Variants in PCSK5 observed in about 807,000 individuals in gnomAD.
The protein encoded by PCSK5 is prohormone convertase 5.
Under a neutral mutation model 233.2 loss-of-function variants are expected in PCSK5, and 129 were observed. The observed-to-expected ratio is 0.55, with a 90% CI of 0.48 to 0.64. PCSK5 has a LOEUF of 0.64. Among genes scored for constraint, PCSK5 ranks in the 30% least tolerant of loss-of-function variants. PCSK5 has a pLI of 0.00. For synonymous variants in PCSK5, 825 were observed against 879.2 expected (o/e 0.94, Z 1.09); for missense variants, 2,076 against 2,430.1 (o/e 0.85, Z 3.06).
At chr9:76,007,881 A>G (rs927925362) in intron 3 of PCSK5, among the ~76,000 whole-genome samples, 2 of 150,064 alleles carry the variant, frequency 1.3e-5, no homozygotes, top group African/African-American at 4.9e-5. Flanking sequence ...TGGTTTAGCC[A>G]TGTTGCCCAG....
intron 24 of PCSK5, 118 bp downstream of exon 24, chr9:76,240,802 C>A: frequency 1.4e-6 from 1 of 696,900 alleles, no homozygotes; most frequent in Admixed American, 2.2e-5. Context: ...CTCAGTGACA[C>A]CATCAACGTC....
intron 15 of PCSK5, among the ~76,000 whole-genome samples, chr9:76,180,003 C>T (rs200056978): frequency 7.6e-4 from 103 of 135,926 alleles, no homozygotes; most frequent in African/African-American, 1.9e-3. Flanking sequence ...CCAGACCTTT[C>T]TTTTTTTTTT....
chr9:76,181,321 G>T lies in PCSK5; in HGVS notation c.2004-77G>T, dbSNP rs1018134059. The T allele has an allele frequency of 7.2e-6, 9 of 1,248,114 alleles. No homozygotes were observed. The African/African-American group carries it at 1.2e-4, about 17-fold the overall frequency. 77.3% of individuals were successfully genotyped at this position (1,248,114 alleles called of 1,614,324 possible). A position where few individuals can be genotyped will look rare whatever the true frequency, so the allele number is the denominator to read the frequency against. ...ATTTGGAAGCTGAGCTCAGCCATTT[G>T]CTCAGCACCTCCAAGAGAATGCTGG... On this transcript the variant is annotated intron_variant, in intron 15 of 37. Coordinates refer to ENST00000674117, the MANE Select transcript of PCSK5 (RefSeq NM_001372043.1).
intron 2 of PCSK5, among the ~76,000 whole-genome samples, chr9:75,961,660 ATC>A (rs1825360294): frequency 1.3e-5 from 2 of 152,236 alleles, no homozygotes; most frequent in Non-Finnish European, 2.9e-5. Context: ...CAGATCAAAT[ATC>A]TCTGGTGAAA....
At chr9:76,093,827 G>T (rs921323019) in intron 7 of PCSK5, among the ~76,000 whole-genome samples, 1 of 152,104 alleles carries the variant, frequency 6.6e-6, no homozygotes, top group East Asian at 1.9e-4. Context: ...CCTCTGGTAT[G>T]TTGTTGTCTC....
At chr9:76,115,038 T>C (rs926589380) in intron 9 of PCSK5, among the ~76,000 whole-genome samples, 1 of 152,082 alleles carries the variant, frequency 6.6e-6, no homozygotes, top group Admixed American at 6.6e-5. Flanking sequence ...GAATTACATA[T>C]GTGCCTTTGG....
intron 24 of PCSK5, among the ~76,000 whole-genome samples, chr9:76,258,441 G>T (rs1827053511): frequency 6.6e-6 from 1 of 152,194 alleles, no homozygotes; most frequent in Non-Finnish European, 1.5e-5. Context: ...GGAAAGCCTA[G>T]TGCAATCATG....
chr9:75,988,844 G>A (rs1237130834), intron 3 of PCSK5, among the ~76,000 whole-genome samples: 1 of 152,182 alleles, frequency 6.6e-6, no homozygotes, highest in Non-Finnish European at 1.5e-5. Flanking sequence ...GAAAGTGGTG[G>A]AGATGCCAAT....
At chr9:76,042,991 C>T (rs1829188310) in intron 5 of PCSK5, among the ~76,000 whole-genome samples, 1 of 152,150 alleles carries the variant, frequency 6.6e-6, no homozygotes, top group Non-Finnish European at 1.5e-5. Flanking sequence ...CCCAACCAAT[C>T]TGCCAAGATT....
intron 35 of PCSK5, among the ~76,000 whole-genome samples, chr9:76,347,687 T>A (rs1473520458): frequency 2.0e-5 from 3 of 148,194 alleles, no homozygotes; most frequent in Non-Finnish European, 3.0e-5. Flanking sequence ...GGTCAGGAGA[T>A]CAAGACCAGC....
At chr9:76,229,770 G>A (rs1015506940) in intron 21 of PCSK5, among the ~76,000 whole-genome samples, 1 of 152,196 alleles carries the variant, frequency 6.6e-6, no homozygotes, top group Non-Finnish European at 1.5e-5. Context: ...ACATCTGGGG[G>A]CCTTCTGGAA....
At chr9:76,101,665 G>A (rs974673033) in intron 8 of PCSK5, among the ~76,000 whole-genome samples, 1 of 152,166 alleles carries the variant, frequency 6.6e-6, no homozygotes, top group Non-Finnish European at 1.5e-5. Context: ...CTGAGCCAGA[G>A]TTGGGAGAAT....
chr9:76,122,986 C>G (rs867269271), intron 9 of PCSK5, among the ~76,000 whole-genome samples: 6 of 151,498 alleles, frequency 4.0e-5, no homozygotes, highest in Non-Finnish European at 7.4e-5. Flanking sequence ...TACAGGCACC[C>G]GCCACTATGC....
At chr9:76,180,021 TGACAA>T (rs1823779357) in intron 15 of PCSK5, among the ~76,000 whole-genome samples, 1 of 148,190 alleles carries the variant, frequency 6.7e-6, no homozygotes, top group Non-Finnish European at 1.5e-5. Context: ...TTTTTTTAAT[TGACAA>T]GTAAAAACTG....
At chr9:76,293,849 T>C (rs756193830) in intron 25 of PCSK5, among the ~76,000 whole-genome samples, 2 of 152,220 alleles carry the variant, frequency 1.3e-5, no homozygotes, top group Admixed American at 6.5e-5. Flanking sequence ...AACAAACATA[T>C]ATAATCTTTG....
chr9:76,201,249 A>G (rs1283449899), intron 20 of PCSK5, among the ~76,000 whole-genome samples: 1 of 152,206 alleles, frequency 6.6e-6, no homozygotes, highest in Non-Finnish European at 1.5e-5. Context: ...ACAAAAGGAA[A>G]AAACATGATG....
chr9:76,025,802 C>T (rs2131492281), intron 4 of PCSK5, among the ~76,000 whole-genome samples: 1 of 152,228 alleles, frequency 6.6e-6, no homozygotes, highest in African/African-American at 2.4e-5. Context: ...AGTAAGCATT[C>T]ATTAAGTACT....
chr9:76,140,787 G>A (rs996608216), intron 10 of PCSK5, among the ~76,000 whole-genome samples: 3 of 151,962 alleles, frequency 2.0e-5, no homozygotes, highest in Admixed American at 2.0e-4. Context: ...TTCAACTTAG[G>A]AACTAATGAT....
intron 10 of PCSK5, among the ~76,000 whole-genome samples, chr9:76,154,662 T>A (rs976784719): frequency 6.6e-6 from 1 of 152,160 alleles, no homozygotes; most frequent in African/African-American, 2.4e-5. Context: ...GACACTAGCA[T>A]GGGGTATATT....
Sources: allele counts gnomAD v4.1 joint callset (sites outside exome capture counted in the v4.1 genomes callset), GRCh38; gene constraint gnomAD v4.1.1; transcripts MANE v1.5; gene names NCBI Gene and HGNC (gene_info 2026-07-23, HGNC 2026-07-21).